The following DOCK7 variants were observed in gnomAD, a reference collection of about 807,000 sequenced individuals.
The protein encoded by DOCK7 is dedicator of cytokinesis 7.
A neutral mutation model predicts 271.0 loss-of-function variants in DOCK7; 138 were observed. The observed-to-expected ratio is 0.51, with a 90% CI of 0.44 to 0.59. The LOEUF is 0.59. Ranked by LOEUF, DOCK7 falls within the 20% of genes least tolerant of loss-of-function variation. DOCK7 has a pLI of 0.00. For synonymous variants in DOCK7, 823 were observed against 876.1 expected (o/e 0.94, Z 1.07); for missense variants, 2,066 against 2,592.4 (o/e 0.80, Z 4.41).
intron 2 of DOCK7, among the ~76,000 whole-genome samples, chr1:62,659,505 A>C (rs1658424637): frequency 1.3e-5 from 2 of 152,200 alleles, no homozygotes; most frequent in Non-Finnish European, 2.9e-5. Context: ...AAAATAGAGA[A>C]TAAACAAAAA....
At chr1:62,487,535 AC>A (rs1646330715) in intron 42 of DOCK7, 123 bp from the exon 43 acceptor site, 1 of 823,008 alleles carries the variant, frequency 1.2e-6, no homozygotes, top group Admixed American at 2.2e-5. Flanking sequence ...GATATTTTAA[AC>A]AGCATATTCA....
In DOCK7 at chr1:62,457,633, C is replaced by T. The variant is rs1645384711; in HGVS notation, c.6285G>A (p.Glu2095=). ...CCTCTTTAAGGCGATGATAGTTTCT[C>T]TCCAGTTCCCTTTGATACTCCTTTT... ...PDQKEYQREL[E]RNYHRLKEAL... The change falls in exon 49 of 50, where the codon GAG becomes GAA. Residue 2095 remains glutamate (E), a synonymous_variant. Coordinates refer to ENST00000635253, the MANE Select transcript of DOCK7 (RefSeq NM_001367561.1). The T allele has an allele frequency of 6.2e-7, 1 of 1,614,078 alleles. No homozygotes were observed. Among genetic ancestry groups the T allele is most frequent in the Non-Finnish European group, 8.5e-7 (1 of 1,180,048 alleles).
chr1:62,572,102 A>T (rs1646801089), intron 18 of DOCK7, among the ~76,000 whole-genome samples: 2 of 152,210 alleles, frequency 1.3e-5, no homozygotes, highest in African/African-American at 4.8e-5. Context: ...TGGTCTGAGA[A>T]TCAGCAGCAC....
intron 14 of DOCK7, among the ~76,000 whole-genome samples, chr1:62,606,591 A>G (rs1391479377): frequency 6.6e-6 from 1 of 152,020 alleles, no homozygotes; most frequent in Non-Finnish European, 1.5e-5. Context: ...CTACTTAATA[A>G]TAAGAATATC....
At position 62,529,389 on chromosome 1, in the gene DOCK7, G is replaced by A. The variant is rs144633387; in HGVS notation, c.3669C>T (p.His1223=). 7.1e-5 allele frequency: 115 copies of A among 1,613,502 alleles called. No homozygotes were observed. The highest frequency in any genetic ancestry group is 1.6e-4 in the African/African-American group (12 of 74,876). ...GGTCAGAGTACCGCGGGTCTGAGTC[G>A]TGACTGGAGAGTAAATTGTGTACCA... ...INMVHNLLSS[H]DSDPRYSDPQ... is the part of the protein sequence containing the mutation. Residue 1223 remains histidine (H), a synonymous_variant, in exon 30 of 50, where the codon CAC becomes CAT. Coordinates refer to ENST00000635253, the MANE Select transcript of DOCK7 (RefSeq NM_001367561.1).
At chr1:62,505,589 AC>A in intron 36 of DOCK7, 92 bp downstream of exon 36, 6 of 1,279,106 alleles carry the variant, frequency 4.7e-6, no homozygotes, top group African/African-American at 1.5e-5. Flanking sequence ...ATATATTACT[AC>A]ATATATTAAC....
intron 31 of DOCK7, among the ~76,000 whole-genome samples, chr1:62,524,333 A>ACCC (rs1247280882): frequency 6.6e-6 from 1 of 152,178 alleles, no homozygotes; most frequent in African/African-American, 2.4e-5. Flanking sequence ...AGATTAAGAT[A>ACCC]CCCACAGTCT....
chr1:62,670,984 G>A (rs1659927609), intron 1 of DOCK7, among the ~76,000 whole-genome samples: 1 of 152,056 alleles, frequency 6.6e-6, no homozygotes, highest in South Asian at 2.1e-4. Flanking sequence ...CTTCACTCCT[G>A]AGCCCAGCGA....
intron 25 of DOCK7, 111 bp downstream of exon 25, chr1:62,542,497 A>G: frequency 9.7e-7 from 1 of 1,026,134 alleles, no homozygotes; most frequent in Non-Finnish European, 1.4e-6. Flanking sequence ...AGGCACATGG[A>G]AAAGCGTTAA....
intron 4 of DOCK7, among the ~76,000 whole-genome samples, chr1:62,650,736 C>T (rs986308255): frequency 3.2e-4 from 48 of 152,254 alleles, no homozygotes; most frequent in Non-Finnish European, 5.3e-4. Flanking sequence ...AAATCAAAAC[C>T]ATAATGAGAC....
intron 23 of DOCK7, 100 bp from the exon 24 acceptor site, chr1:62,543,845 T>A: frequency 1.2e-6 from 1 of 800,790 alleles, no homozygotes; most frequent in Non-Finnish European, 1.9e-6. Flanking sequence ...CAGAGTTTTA[T>A]TATGGTTTCA....
At chr1:62,483,189 T>TA (rs1463739055) in intron 43 of DOCK7, 1 of 79,766 alleles carries the variant, frequency 1.3e-5, no homozygotes. Flanking sequence ...TTTTTTTTTT[T>TA]TTTTTTTTTT....
In DOCK7 at chr1:62,474,029, G is replaced by A; in HGVS notation, c.6165C>T (p.Phe2055=). ...LSEIPSDPKL[F]RHHNKLRLCF... is the part of the protein sequence containing the mutation. Reference sequence around the variant, plus strand: ...AGAGTCGCAGTTTATTATGATGTCTGAAGAGCTTTGGGTCACTAGGTATTT... The same window carrying A: ...AGAGTCGCAGTTTATTATGATGTCTAAAGAGCTTTGGGTCACTAGGTATTT... The change falls in exon 48 of 50, where the codon TTC becomes TTT. Residue 2055 remains phenylalanine (F), a synonymous_variant. Transcript: ENST00000635253. 6.2e-7 allele frequency: 1 copy of A among 1,613,978 alleles called. No individual in the cohort carries two copies.
intron 21 of DOCK7, among the ~76,000 whole-genome samples, chr1:62,553,369 T>TAAA (rs1646019484): frequency 2.2e-4 from 2 of 8,972 alleles, no homozygotes; most frequent in Admixed American, 1.8e-3. Flanking sequence ...TTTTTTTTTT[T>TAAA]TTTTTTTTTT....
intron 31 of DOCK7, among the ~76,000 whole-genome samples, chr1:62,523,955 C>T (rs1351883214): frequency 6.6e-6 from 1 of 151,938 alleles, no homozygotes; most frequent in Non-Finnish European, 1.5e-5. Context: ...AACAGCAAGC[C>T]ACAGAGAAGA....
At chr1:62,548,988 C>T (rs1645803716) in intron 22 of DOCK7, among the ~76,000 whole-genome samples, 1 of 152,140 alleles carries the variant, frequency 6.6e-6, no homozygotes, top group African/African-American at 2.4e-5. Flanking sequence ...GAATCATTAG[C>T]ATAACATTTA....
At chr1:62,604,402 A>G (rs1650637646) in intron 14 of DOCK7, 1 of 939,544 alleles carries the variant, frequency 1.1e-6, no homozygotes. Context: ...TTCTAGTTCA[A>G]TCAGGTATTT....
chr1:62,608,649 AT>A (rs1294912277), intron 14 of DOCK7: 1 of 152,202 alleles, frequency 6.6e-6, no homozygotes. Flanking sequence ...AGTTTACCTG[AT>A]TTTAGTGAAT....
intron 11 of DOCK7, among the ~76,000 whole-genome samples, chr1:62,626,097 A>G (rs1653917952): frequency 6.6e-6 from 1 of 152,206 alleles, no homozygotes; most frequent in African/African-American, 2.4e-5. Flanking sequence ...AAATTTGGGG[A>G]ATTCACAAAT....
Sources: gnomAD v4.1 joint callset for allele counts (sites outside exome capture counted in the v4.1 genomes callset) on GRCh38, gnomAD v4.1.1 for gene constraint, MANE v1.5 for transcripts, NCBI Gene and HGNC (gene_info 2026-07-23, HGNC 2026-07-21) for gene names.